Variants in SI observed in about 807,000 individuals in gnomAD.
SI encodes sucrase-isomaltase, intestinal.
SI carries 235 observed loss-of-function variants against 253.3 expected under a neutral mutation model. The ratio of observed to expected loss-of-function variants is 0.93; its 90% confidence interval spans 0.83 to 1.03. The LOEUF (loss-of-function observed/expected upper bound fraction) is 1.03, where lower values mean the gene tolerates loss of function less well. Among genes scored for constraint, SI ranks in the 50% least tolerant of loss-of-function variants. The probability of loss-of-function intolerance (pLI) is 0.00; values close to 1 mark genes in which losing one functional copy is unlikely to be tolerated. For missense variants in SI, 2,442 were observed against 2,211.1 expected, an observed-to-expected ratio of 1.10 and a Z score of -2.09; for synonymous variants, 819 against 712.0, an observed-to-expected ratio of 1.15 and a Z score of -2.39.
chr3:165,045,445 T>C (rs893559139), intron 16 of SI, among the ~76,000 whole-genome samples: 6 of 152,068 alleles, frequency 3.9e-5, no homozygotes, highest in African/African-American at 1.4e-4. Flanking sequence ...TAAAATACAT[T>C]TGAATATTGC....
At chr3:165,065,464 AAT>A (rs66946322) in intron 6 of SI, 32 bp from the exon 7 acceptor site, 9,489 of 198,486 alleles carry the variant, frequency 0.048, 690 homozygotes, top group South Asian at 0.073. Context: ...GAAATAATCT[AAT>A]ATATATATAT....
intron 25 of SI, 57 bp downstream of exon 25, chr3:165,030,655 G>T (rs1712178432): frequency 6.6e-7 from 1 of 1,525,292 alleles, no homozygotes; most frequent in East Asian, 2.3e-5. Context: ...TGTAAAATTT[G>T]CACCAAAATG....
chr3:165,004,420 C>T (rs1718403538), intron 37 of SI, among the ~76,000 whole-genome samples: 1 of 152,116 alleles, frequency 6.6e-6, no homozygotes, highest in African/African-American at 2.4e-5. Context: ...AATAGAGCTA[C>T]TATATGATTC....
chr3:165,089,728 C>A, the SI span, among the ~76,000 whole-genome samples: 1 of 152,086 alleles, frequency 6.6e-6, no homozygotes, highest in Non-Finnish European at 1.5e-5. Flanking sequence ...CTCAAATGAA[C>A]CTGGATTGGA....
At chr3:164,990,744 T>TTG (rs1717692887) in intron 44 of SI, among the ~76,000 whole-genome samples, 1 of 151,870 alleles carries the variant, frequency 6.6e-6, no homozygotes, top group South Asian at 2.1e-4. Flanking sequence ...CCGGGGCCTG[T>TTG]TGTGTGGTAG....
At chr3:165,039,281 A>G in intron 19 of SI, 147 bp from the exon 20 acceptor site, 1 of 613,648 alleles carries the variant, frequency 1.6e-6, no homozygotes, top group Non-Finnish European at 2.9e-6. Context: ...TCAAAGGGCT[A>G]TTTTATTAGC....
chr3:165,084,630 C>G, the SI span, among the ~76,000 whole-genome samples: 1 of 151,768 alleles, frequency 6.6e-6, no homozygotes, highest in Admixed American at 6.6e-5. Context: ...AAATACATTT[C>G]CTTCCTGAAA....
In SI at chr3:164,982,265, A is replaced by C. The variant is rs774261150; in HGVS notation, c.5393T>G (p.Phe1798Cys). ...TACCATGTTGGTAGTGTCTTCATTA[A>C]AAGGAAGCGAATTTTTATTTCCGTT... ...TYNGNKNSLP[F>C]NEDTTNMILR... The change falls in exon 47 of 48, where the codon TTT (phenylalanine) becomes TGT (cysteine). Residue 1798 changes from phenylalanine to cysteine, a missense_variant. By Grantham distance (205) the Phe-to-Cys change is radical (BLOSUM62 -2). Coordinates refer to ENST00000264382, the MANE Select transcript of SI (RefSeq NM_001041.4). 1.9e-6 allele frequency: 3 copies of C among 1,612,818 alleles called. No homozygotes were observed. Among genetic ancestry groups the C allele is most frequent in the South Asian group, 1.1e-5 (1 of 91,034 alleles).
intron 18 of SI, among the ~76,000 whole-genome samples, chr3:165,040,577 C>T (rs980674780): frequency 6.6e-6 from 1 of 151,984 alleles, no homozygotes; most frequent in Non-Finnish European, 1.5e-5. Flanking sequence ...AAGATGAGCA[C>T]AATTTCCCTT....
chr3:165,024,550 C>T (rs1441715820), intron 25 of SI, among the ~76,000 whole-genome samples: 1 of 150,968 alleles, frequency 6.6e-6, no homozygotes, highest in Non-Finnish European at 1.5e-5. Context: ...CTCTGTTTGA[C>T]TCATCTTCTT....
intron 13 of SI, among the ~76,000 whole-genome samples, chr3:165,051,583 A>T (rs776706775): frequency 2.0e-5 from 3 of 152,200 alleles, no homozygotes; most frequent in Non-Finnish European, 2.9e-5. Flanking sequence ...TTAAATTTTT[A>T]AAAAACTGCT....
chr3:165,055,340 A>C, intron 12 of SI, 33 bp from the exon 13 acceptor site: 1 of 1,063,364 alleles, frequency 9.4e-7, no homozygotes, highest in Non-Finnish European at 1.4e-6. Context: ...TATATACATA[A>C]AAAATAGAAA....
chr3:165,055,092 T>G, intron 13 of SI, 102 bp downstream of exon 13: 6 of 721,008 alleles, frequency 8.3e-6, no homozygotes, highest in Non-Finnish European at 1.2e-5. Context: ...AAATTTTACA[T>G]TGAATACATC....
Position 164,978,935 on chromosome 3 carries a change from G to A in SI, c.*427C>T, listed in dbSNP as rs1194694729. On this transcript the variant is annotated 3_prime_UTR_variant, in exon 48 of 48. Coordinates refer to ENST00000264382, the MANE Select transcript of SI (RefSeq NM_001041.4). ...TTTTATTCTCTTTTTCTAATTAAAT[G>A]CACATACTAAGAAGTAATTAAATCT... The A allele has an allele frequency of 6.6e-6, 1 of 152,528 alleles. No individual in the cohort carries two copies. Among genetic ancestry groups the A allele is most frequent in the African/African-American group, 2.4e-5 (1 of 41,340 alleles). 9.4% of individuals were successfully genotyped at this position (152,528 alleles called of 1,614,324 possible). A position where few individuals can be genotyped will look rare whatever the true frequency, so the allele number is the denominator to read the frequency against.
At chr3:165,038,162 G>C (rs1285597261) in intron 20 of SI, 138 bp from the exon 21 acceptor site, 1 of 743,864 alleles carries the variant, frequency 1.3e-6, no homozygotes, top group Non-Finnish European at 2.1e-6. Flanking sequence ...TCTAACTTTA[G>C]GAGAATTTTT....
chr3:165,026,995 A>G (rs974122268), intron 25 of SI, among the ~76,000 whole-genome samples: 5 of 151,412 alleles, frequency 3.3e-5, no homozygotes, highest in African/African-American at 1.2e-4. Flanking sequence ...AATGAAATTG[A>G]AACAAAAAAA....
chr3:165,081,320 G>C (rs1409859042), upstream of SI, among the ~76,000 whole-genome samples: 1 of 151,952 alleles, frequency 6.6e-6, no homozygotes, highest in Non-Finnish European at 1.5e-5. Flanking sequence ...ATAGTCAGCA[G>C]GCAGGATGAG....
intron 46 of SI, 33 bp from the exon 47 acceptor site, chr3:164,982,443 C>T (rs1576864283): frequency 6.6e-6 from 10 of 1,519,016 alleles, no homozygotes; most frequent in Non-Finnish European, 8.2e-6. Flanking sequence ...AACATAAACA[C>T]TTTATTTGCA....
chr3:165,024,821 A>C (rs570184778), intron 25 of SI, among the ~76,000 whole-genome samples: 8 of 151,050 alleles, frequency 5.3e-5, no homozygotes, highest in African/African-American at 1.9e-4. Flanking sequence ...CATACTCACT[A>C]TCTCTAATTT....
Sources: gnomAD v4.1 joint callset for allele counts (sites outside exome capture counted in the v4.1 genomes callset) on GRCh38, gnomAD v4.1.1 for gene constraint, MANE v1.5 for transcripts, NCBI Gene and HGNC (gene_info 2026-07-23, HGNC 2026-07-21) for gene names.